Variants in ROR1 observed in about 807,000 individuals in gnomAD.
ROR1 encodes the protein ROR family WNT receptor 1, also known as inactive tyrosine-protein kinase transmembrane receptor ROR1.
Under a neutral mutation model 78.8 loss-of-function variants are expected in ROR1, and 19 were observed. That is an observed-to-expected ratio of 0.24 (90% CI 0.17 to 0.35). The LOEUF (loss-of-function observed/expected upper bound fraction) is 0.35, where lower values mean the gene tolerates loss of function less well. ROR1 is among the 10% of genes least tolerant of loss of function. ROR1 has a pLI of 1.00. For synonymous variants in ROR1, 386 were observed against 433.6 expected, an observed-to-expected ratio of 0.89 and a Z score of 1.36; for missense variants, 917 against 1,177.8, an observed-to-expected ratio of 0.78 and a Z score of 3.24.
At chr1:63,890,456 T>C (rs1176591585) in intron 1 of ROR1, among the ~76,000 whole-genome samples, 1 of 149,604 alleles carries the variant, frequency 6.7e-6, no homozygotes, top group Non-Finnish European at 1.5e-5. Flanking sequence ...GGAAAAAAGA[T>C]GAAAAAGACT....
At chr1:63,990,181 A>G (rs1646283958) in intron 1 of ROR1, among the ~76,000 whole-genome samples, 1 of 152,170 alleles carries the variant, frequency 6.6e-6, no homozygotes, top group Non-Finnish European at 1.5e-5. Flanking sequence ...CACAATCACA[A>G]AAACCACAGA....
At chr1:63,902,855 T>C (rs2100405364) in intron 1 of ROR1, among the ~76,000 whole-genome samples, 1 of 152,334 alleles carries the variant, frequency 6.6e-6, no homozygotes, top group Non-Finnish European at 1.5e-5. Flanking sequence ...AGACACCTTT[T>C]CTGTTTCCGC....
chr1:64,041,751 T>G (rs1478058459), intron 2 of ROR1, among the ~76,000 whole-genome samples: 1 of 152,228 alleles, frequency 6.6e-6, no homozygotes, highest in African/African-American at 2.4e-5. Flanking sequence ...GATGCATTAG[T>G]CCTTGTGTTT....
intron 1 of ROR1, among the ~76,000 whole-genome samples, chr1:63,865,200 T>C (rs115173946): frequency 2.7e-4 from 41 of 152,336 alleles, no homozygotes; most frequent in Non-Finnish European, 5.7e-4. Context: ...ATTACCTGTT[T>C]GGTCCTAGTC....
chr1:63,995,451 A>G (rs1412189518), intron 1 of ROR1, among the ~76,000 whole-genome samples: 1 of 152,218 alleles, frequency 6.6e-6, no homozygotes, highest in Non-Finnish European at 1.5e-5. Flanking sequence ...TCTAATAGGC[A>G]GTTCTCCGTA....
intron 1 of ROR1, among the ~76,000 whole-genome samples, chr1:63,910,667 A>G (rs1190363773): frequency 1.3e-5 from 2 of 151,992 alleles, no homozygotes; most frequent in Admixed American, 6.5e-5. Flanking sequence ...CTGCATGGCC[A>G]TTTGTGTTCT....
chr1:64,059,576 G>A (rs1403556114), intron 4 of ROR1, among the ~76,000 whole-genome samples: 2 of 151,964 alleles, frequency 1.3e-5, no homozygotes, highest in Non-Finnish European at 2.9e-5. Context: ...AGGCATGGTG[G>A]CATGCGCCTG....
chr1:64,026,931 T>C (rs374646563), intron 2 of ROR1, among the ~76,000 whole-genome samples: 2 of 152,258 alleles, frequency 1.3e-5, no homozygotes, highest in East Asian at 3.9e-4. Flanking sequence ...TAGATAAAAT[T>C]GTAAATACTT....
chr1:64,032,442 A>G (rs1187585011), intron 2 of ROR1, among the ~76,000 whole-genome samples: 1 of 152,170 alleles, frequency 6.6e-6, no homozygotes, highest in Admixed American at 6.5e-5. Context: ...CTTGCAAGGA[A>G]TAAATACCAT....
intron 1 of ROR1, among the ~76,000 whole-genome samples, chr1:63,822,802 A>G (rs1557513773): frequency 6.6e-6 from 1 of 152,192 alleles, no homozygotes. Context: ...TTTCATTAGT[A>G]TAAACAATGC....
At chr1:63,887,839 A>T (rs547173475) in intron 1 of ROR1, among the ~76,000 whole-genome samples, 1 of 152,356 alleles carries the variant, frequency 6.6e-6, no homozygotes, top group East Asian at 1.9e-4. Context: ...GCAGAAAATG[A>T]TAATAATAGC....
rs372840912 is a variant in ROR1, at chr1:63,830,795, G to T, written c.91+56287G>T. ...ATTAACCCAAAAGTCCAAGTCCAAAGTCTCATCTGAGACAAGGCAAGTTCT... is the reference window on the plus strand; with the variant it reads ...ATTAACCCAAAAGTCCAAGTCCAAATTCTCATCTGAGACAAGGCAAGTTCT... On this transcript the variant is annotated intron_variant, in intron 1 of 8. Coordinates refer to ENST00000371079, the MANE Select transcript of ROR1 (RefSeq NM_005012.4). 2.6e-5 allele frequency among the ~76,000 whole-genome samples: 4 copies of T among 152,130 alleles called. No individual in the cohort carries two copies. In the East Asian group the frequency reaches 7.7e-4, roughly 29 times the overall value.
intron 4 of ROR1, among the ~76,000 whole-genome samples, chr1:64,129,126 C>CT (rs1648821996): frequency 1.3e-5 from 2 of 152,084 alleles, no homozygotes; most frequent in South Asian, 4.1e-4. Flanking sequence ...GGCCAGTAGT[C>CT]TTTTTTTAAC....
chr1:63,997,787 T>G (rs921637436), intron 1 of ROR1, among the ~76,000 whole-genome samples: 2 of 148,392 alleles, frequency 1.3e-5, no homozygotes, highest in East Asian at 3.9e-4. Flanking sequence ...CATTAAACAC[T>G]CTTCAGGCTG....
chr1:64,103,541 C>T (rs1462685651), intron 4 of ROR1, among the ~76,000 whole-genome samples: 1 of 152,066 alleles, frequency 6.6e-6, no homozygotes, highest in Non-Finnish European at 1.5e-5. Context: ...CTGCAATTAT[C>T]AATTAAAATT....
At chr1:64,072,441 A>G (rs1280050019) in intron 4 of ROR1, among the ~76,000 whole-genome samples, 6 of 152,124 alleles carry the variant, frequency 3.9e-5, no homozygotes, top group African/African-American at 1.4e-4. Context: ...GGAATTAACA[A>G]AGTGCCTTAG....
At position 64,055,307 on chromosome 1, in the gene ROR1, A is replaced by G. The variant is rs548254883; in HGVS notation, c.482+4591A>G. The stretch of plus-strand genomic sequence containing the variant: ...GAATGATAGTTTGTTGTGCAAGAAT[A>G]TTTTGCATTCAAACTGAGAGAAGAA... On this transcript the variant is annotated intron_variant, in intron 4 of 8. Coordinates refer to ENST00000371079, the MANE Select transcript of ROR1 (RefSeq NM_005012.4). Among the ~76,000 whole-genome samples, 48 of 152,358 alleles carry G rather than the reference A, an allele frequency of 3.2e-4. 1 individual carries two copies. The highest frequency in any genetic ancestry group is 6.2e-4 in the South Asian group (3 of 4,828).
intron 1 of ROR1, among the ~76,000 whole-genome samples, chr1:63,881,804 TA>T (rs1645324755): frequency 6.6e-6 from 1 of 152,174 alleles, no homozygotes; most frequent in South Asian, 2.1e-4. Context: ...AGTTTCAACT[TA>T]AGTGTCAGAT....
rs752040416 is a variant in ROR1 at position 64,177,574 on chromosome 1, T to C, written c.1533T>C (p.Tyr511=). 20 of 1,614,040 alleles carry C rather than the reference T, an allele frequency of 1.2e-5. No individual in the cohort carries two copies. In the Middle Eastern group the frequency reaches 4.9e-4, roughly 40 times the overall value. Residue 511 remains tyrosine, a synonymous_variant, in exon 9 of 9, where the codon TAT becomes TAC. Transcript: ENST00000371079. The part of the protein sequence containing the change: ...QLVAIKTLKD[Y]NNPQQWTEFQ... ...TTGCTATCAAGACCTTGAAAGACTA[T>C]AACAACCCCCAGCAATGGACGGAAT...
Sources: allele counts gnomAD v4.1 joint callset (sites outside exome capture counted in the v4.1 genomes callset), GRCh38; gene constraint gnomAD v4.1.1; transcripts MANE v1.5; gene names NCBI Gene and HGNC (gene_info 2026-07-23, HGNC 2026-07-21).